SWAP70: variants seen among roughly 807,000 people sequenced by gnomAD.
The protein encoded by SWAP70 is switch-associated protein 70.
Under a neutral mutation model 80.2 loss-of-function variants are expected in SWAP70, and 34 were observed. The ratio of observed to expected loss-of-function variants is 0.42; its 90% CI spans 0.32 to 0.56. SWAP70 has a LOEUF of 0.56. SWAP70 is among the 20% of genes least tolerant of loss of function. SWAP70 has a pLI of 0.09. For missense variants in SWAP70, 578 were observed against 690.7 expected, an observed-to-expected ratio of 0.84 and a Z score of 1.83; for synonymous variants, 239 against 238.5, an observed-to-expected ratio of 1.00 and a Z score of -0.02.
intron 2 of SWAP70, among the ~76,000 whole-genome samples, chr11:9,695,517 G>A (rs1448679617): frequency 4.0e-5 from 6 of 150,722 alleles, no homozygotes; most frequent in African/African-American, 7.3e-5. Flanking sequence ...AACTAACACA[G>A]TAACAGAAAA....
At chr11:9,731,282 T>C (rs1851295012) in intron 6 of SWAP70, among the ~76,000 whole-genome samples, 1 of 152,236 alleles carries the variant, frequency 6.6e-6, no homozygotes, top group African/African-American at 2.4e-5. Context: ...TTGGAGAATG[T>C]AGTCATTTTT....
At chr11:9,678,223 G>T (rs1019133480) in intron 1 of SWAP70, among the ~76,000 whole-genome samples, 3 of 152,148 alleles carry the variant, frequency 2.0e-5, no homozygotes, top group African/African-American at 7.2e-5. Flanking sequence ...TTAAAATGGG[G>T]TTGGGGATCA....
intron 2 of SWAP70, among the ~76,000 whole-genome samples, chr11:9,698,093 G>GTTTTTTTTTTTTTT (rs201181416): frequency 2.7e-5 from 3 of 109,584 alleles, no homozygotes; most frequent in Non-Finnish European, 3.6e-5. Context: ...GCCAATACAT[G>GTTTTTTTTTTTTTT]TTTTTTGTTT....
intron 1 of SWAP70, among the ~76,000 whole-genome samples, chr11:9,669,219 G>A (rs1850344639): frequency 1.3e-5 from 2 of 152,148 alleles, no homozygotes; most frequent in African/African-American, 4.8e-5. Context: ...GTAGGAATGG[G>A]GGAAGATTAA....
In SWAP70 at chr11:9,675,346, CGAGAGAGAGAGAGAGAGAGAGAGA is replaced by C. The variant is rs1184480305; in HGVS notation, c.99+11120_99+11143del. ...GAGAGAGAGAGAGAGAGAGAGGGAG[CGAGAGAGAGAGAGAGAGAGAGAGA>C]GAGAGAGAGAGAGAGAGAGAGAGAG... On this transcript the variant is annotated intron_variant, in intron 1 of 11. Transcript: ENST00000318950. 7.0e-3 allele frequency among the ~76,000 whole-genome samples: 59 copies of C among 8,394 alleles called. 1 individual carries two copies. The highest frequency in any genetic ancestry group is 0.011 in the African/African-American group (50 of 4,448). The allele number at this position is 8,394 out of a possible 152,430, so 5.5% of individuals were successfully genotyped here.
intron 9 of SWAP70, among the ~76,000 whole-genome samples, chr11:9,743,557 A>G (rs982223254): frequency 2.6e-5 from 4 of 151,338 alleles, no homozygotes; most frequent in African/African-American, 9.8e-5. Context: ...CCTCTCTAGC[A>G]CCTGTTGTTT....
chr11:9,728,941 G>A (rs944756007), intron 5 of SWAP70, among the ~76,000 whole-genome samples: 23 of 152,280 alleles, frequency 1.5e-4, no homozygotes, highest in African/African-American at 5.1e-4. Context: ...AACATTCCAA[G>A]TGCAAGAAGA....
At chr11:9,669,595 A>G (rs920551384) in intron 1 of SWAP70, among the ~76,000 whole-genome samples, 5 of 152,176 alleles carry the variant, frequency 3.3e-5, no homozygotes, top group Admixed American at 6.6e-5. Context: ...ATCTACTGCA[A>G]GAGATGGGAA....
At chr11:9,711,311 T>G (rs1418596486) in intron 2 of SWAP70, among the ~76,000 whole-genome samples, 1 of 152,154 alleles carries the variant, frequency 6.6e-6, no homozygotes, top group African/African-American at 2.4e-5. Flanking sequence ...ACATGAATGA[T>G]AAATCTCCTA....
rs1364635006 is a variant in SWAP70, at chr11:9,749,999, T to C, written c.*29T>C. On this transcript the variant is annotated 3_prime_UTR_variant, in exon 12 of 12. Coordinates refer to ENST00000318950, the MANE Select transcript of SWAP70 (RefSeq NM_015055.4). Reference sequence around the variant, plus strand: ...AGCTTGCTGGCAGTCACGTCAGTTATGTAGATACTGCATGGCAGGAGAGCT... The same window carrying C: ...AGCTTGCTGGCAGTCACGTCAGTTACGTAGATACTGCATGGCAGGAGAGCT... 6.3e-6 allele frequency: 9 copies of C among 1,431,450 alleles called. No individual in the cohort carries two copies. Among genetic ancestry groups the C allele is most frequent in the East Asian group, 2.3e-5 (1 of 43,996 alleles). The allele number at this position is 1,431,450 out of a possible 1,614,324, so 88.7% of individuals were successfully genotyped here.
intron 5 of SWAP70, 80 bp from the exon 6 acceptor site, chr11:9,729,263 C>A: frequency 1.1e-6 from 1 of 881,092 alleles, no homozygotes; most frequent in South Asian, 1.5e-5. Context: ...TAAGTTTCAG[C>A]TCATTTTTAT....
At chr11:9,731,013 T>C (rs936141746) in intron 6 of SWAP70, among the ~76,000 whole-genome samples, 1 of 152,336 alleles carries the variant, frequency 6.6e-6, no homozygotes, top group Non-Finnish European at 1.5e-5. Context: ...CTCCCACTTA[T>C]TAGTGAGAAC....
chr11:9,719,794 G>A (rs1425540293), intron 3 of SWAP70, among the ~76,000 whole-genome samples: 6 of 152,154 alleles, frequency 3.9e-5, no homozygotes, highest in Non-Finnish European at 7.4e-5. Context: ...AAAACAGGAT[G>A]TGTCTCTTGT....
intron 4 of SWAP70, among the ~76,000 whole-genome samples, chr11:9,727,412 A>G (rs750835282): frequency 1.3e-5 from 2 of 152,168 alleles, no homozygotes; most frequent in East Asian, 1.9e-4. Context: ...TTTTGTAGAA[A>G]TGAAGTCTCA....
Position 9,728,078 on chromosome 11 carries a change from G to C in SWAP70, c.668G>C (p.Arg223Thr). The stretch of plus-strand genomic sequence containing the variant: ...GGTTACATGATGAAAAAGGGCCACA[G>C]ACGGAAAAACTGGACTGAAAGATGG... ...KQGYMMKKGH[R>T]RKNWTERWFV... The change falls in exon 5 of 12, where the codon AGA becomes ACA. Residue 223 changes from arginine to threonine, a missense_variant. Coordinates refer to ENST00000318950, the MANE Select transcript of SWAP70 (RefSeq NM_015055.4). 1 of 1,610,218 alleles carries C rather than the reference G, an allele frequency of 6.2e-7. No individual in the cohort carries two copies.
chr11:9,720,060 G>A lies in SWAP70; in HGVS notation c.415-4598G>A, dbSNP rs1005409346. The A allele has an allele frequency of 5.5e-5, 54 of 985,276 alleles. No individual in the cohort carries two copies. In the East Asian group the frequency reaches 3.1e-3, roughly 56 times the overall value. 61.0% of individuals were successfully genotyped at this position (985,276 alleles called of 1,614,324 possible). A position where few individuals can be genotyped will look rare whatever the true frequency, so the allele number is the denominator to read the frequency against. ...TAAGCTGCTTCCTGAAACTGAATGA[G>A]CTCTTAGAATTGATGCAGGCCACTA... On this transcript the variant is annotated intron_variant, in intron 3 of 11. Coordinates refer to ENST00000318950, the MANE Select transcript of SWAP70 (RefSeq NM_015055.4).
rs1196231796 is a variant in SWAP70 at position 9,671,711 on chromosome 11, GA to G, written c.99+7436del. On this transcript the variant is annotated intron_variant, in intron 1 of 11. Coordinates refer to ENST00000318950, the MANE Select transcript of SWAP70 (RefSeq NM_015055.4). ...ATAAATATATTTCTATGTATACATA[GA>G]AATATATAAATATATTTCTATGTAT... is the stretch of plus-strand genomic sequence containing the variant. Among the ~76,000 whole-genome samples the G allele has an allele frequency of 1.1e-3, 106 of 93,602 alleles. 2 individuals are homozygous for G. Among genetic ancestry groups the G allele is most frequent in the Non-Finnish European group, 1.6e-3 (81 of 51,516 alleles). The allele number at this position is 93,602 out of a possible 152,430, so 61.4% of individuals were successfully genotyped here.
In SWAP70 at chr11:9,687,585, C is replaced by G. The variant is rs117251404; in HGVS notation, c.100-6561C>G. 8.4e-4 allele frequency among the ~76,000 whole-genome samples: 128 copies of G among 152,154 alleles called. 1 individual carries two copies. The East Asian group carries it at 0.022, about 26-fold the overall frequency. On this transcript the variant is annotated intron_variant, in intron 1 of 11. Coordinates refer to ENST00000318950, the MANE Select transcript of SWAP70 (RefSeq NM_015055.4). Reference sequence around the variant, plus strand: ...GAAGAGGGGTAAGTTGGTAAGTTATCCAAAATAACTTTAAAAAGGTGGTTC... The same window carrying G: ...GAAGAGGGGTAAGTTGGTAAGTTATGCAAAATAACTTTAAAAAGGTGGTTC...
At chr11:9,704,657 C>G (rs1313878266) in intron 2 of SWAP70, among the ~76,000 whole-genome samples, 2 of 152,128 alleles carry the variant, frequency 1.3e-5, no homozygotes, top group Non-Finnish European at 2.9e-5. Context: ...ACTCCCAAAG[C>G]GCTGAGATTG....
Sources: allele counts gnomAD v4.1 joint callset (sites outside exome capture counted in the v4.1 genomes callset), GRCh38; gene constraint gnomAD v4.1.1; transcripts MANE v1.5; gene names NCBI Gene and HGNC (gene_info 2026-07-23, HGNC 2026-07-21).